SOS1: variants seen among roughly 807,000 people sequenced by gnomAD.
SOS1 encodes SOS Ras/Rac guanine nucleotide exchange factor 1.
Under a neutral mutation model 157.6 loss-of-function variants are expected in SOS1, and 25 were observed. The ratio of observed to expected loss-of-function variants is 0.16; its 90% CI spans 0.12 to 0.22. The LOEUF (loss-of-function observed/expected upper bound fraction) is 0.22, where lower values mean the gene tolerates loss of function less well. Among genes scored for constraint, SOS1 ranks in the 10% least tolerant of loss-of-function variants. The pLI is 1.00. For synonymous variants in SOS1, 528 were observed against 534.0 expected (o/e 0.99, Z 0.16); for missense variants, 1,237 against 1,599.1 (o/e 0.77, Z 3.86).
upstream of SOS1, among the ~76,000 whole-genome samples, chr2:39,122,621 A>G (rs1307604524): frequency 6.6e-6 from 1 of 152,180 alleles, no homozygotes; most frequent in African/African-American, 2.4e-5. Context: ...ATAAAAATAT[A>G]CATACTTGGT....
rs1668427105 is a variant in SOS1, at chr2:38,982,390, C to T, written c.*3434G>A. The T allele has an allele frequency of 6.6e-6, 1 of 151,974 alleles. No homozygotes were observed. The highest frequency in any genetic ancestry group is 2.4e-5 in the African/African-American group (1 of 41,380). 9.4% of individuals were successfully genotyped at this position (151,974 alleles called of 1,614,324 possible). A position where few individuals can be genotyped will look rare whatever the true frequency, so the allele number is the denominator to read the frequency against. On this transcript the variant is annotated 3_prime_UTR_variant, in exon 23 of 23. Coordinates refer to ENST00000402219, the MANE Select transcript of SOS1 (RefSeq NM_005633.4). ...CTTAAAAGTTAGTAATGAGATGTTT[C>T]AAAGAAGAAAAATATTGAATAAAGT...
At position 38,985,969 on chromosome 2, in the gene SOS1, G is replaced by A. The variant is rs374341202; in HGVS notation, c.3857C>T (p.Ser1286Phe). Residue 1286 changes from serine (S) to phenylalanine (F), a missense_variant, in exon 23 of 23, where the codon TCC (serine) becomes TTC (phenylalanine). Transcript: ENST00000402219. ...TGGAGGAACAGGCGGCCCAGCAATG[G>A]AATGAAGGTCCACTTCTTGTGTCAA... is the stretch of plus-strand genomic sequence containing the variant. The part of the protein sequence containing the change: ...PPLTQEVDLH[S>F]IAGPPVPPRQ... 32 of 1,613,858 alleles carry A rather than the reference G, an allele frequency of 2.0e-5. No individual in the cohort carries two copies. The highest frequency in any genetic ancestry group is 5.0e-5 in the Admixed American group (3 of 59,982).
chr2:39,075,776 G>A (rs932399947), intron 1 of SOS1, among the ~76,000 whole-genome samples: 1 of 151,724 alleles, frequency 6.6e-6, no homozygotes, highest in East Asian at 1.9e-4. Flanking sequence ...CAAGAAGGAG[G>A]GGCATAACTA....
chr2:39,020,832 C>T (rs1445254586), intron 10 of SOS1, among the ~76,000 whole-genome samples: 1 of 151,538 alleles, frequency 6.6e-6, no homozygotes, highest in Non-Finnish European at 1.5e-5. Context: ...TCCAGTTTCA[C>T]CAGTAATATA....
At chr2:39,034,738 G>A (rs1052649442) in intron 8 of SOS1, 4 of 452,728 alleles carry the variant, frequency 8.8e-6, no homozygotes, top group African/African-American at 2.0e-5. Context: ...ACAGATAGTT[G>A]CAAACTTGAG....
chr2:39,014,688 A>G, intron 11 of SOS1, 77 bp downstream of exon 11: 1 of 767,296 alleles, frequency 1.3e-6, no homozygotes, highest in East Asian at 2.7e-5. Flanking sequence ...CTCATCTAAC[A>G]TTTCTGAAAA....
intron 15 of SOS1, 63 bp from the exon 16 acceptor site, chr2:39,007,256 A>C (rs1479393106): frequency 9.7e-7 from 1 of 1,033,990 alleles, no homozygotes; most frequent in African/African-American, 1.6e-5. Context: ...TATAGCTTAA[A>C]GAATTTAGTA....
At chr2:39,037,384 C>T (rs756379413) in intron 6 of SOS1, among the ~76,000 whole-genome samples, 28 of 152,162 alleles carry the variant, frequency 1.8e-4, no homozygotes, top group Non-Finnish European at 3.8e-4. Context: ...CTTTTATACT[C>T]AAAAATTTTT....
At chr2:39,056,566 T>C (rs2124606967) in intron 4 of SOS1, 136 bp downstream of exon 4, 2 of 669,170 alleles carry the variant, frequency 3.0e-6, no homozygotes, top group Middle Eastern at 4.1e-4. Flanking sequence ...AAGTGGTATC[T>C]TGAATCCCTA....
chr2:39,114,614 T>A (rs1295746159), intron 1 of SOS1, among the ~76,000 whole-genome samples: 1 of 152,080 alleles, frequency 6.6e-6, no homozygotes, highest in African/African-American at 2.4e-5. Context: ...TTTGTTTTTG[T>A]TTCTTTTTGA....
chr2:39,118,008 A>G (rs1385666454), intron 1 of SOS1, among the ~76,000 whole-genome samples: 1 of 152,220 alleles, frequency 6.6e-6, no homozygotes, highest in East Asian at 1.9e-4. Flanking sequence ...CAAGCACTAT[A>G]AGTATGGGGA....
At chr2:39,024,645 C>T (rs951482817) in intron 8 of SOS1, among the ~76,000 whole-genome samples, 1 of 152,052 alleles carries the variant, frequency 6.6e-6, no homozygotes, top group African/African-American at 2.4e-5. Context: ...GACTCTACTT[C>T]TGTGTGACCT....
intron 17 of SOS1, among the ~76,000 whole-genome samples, chr2:39,001,742 G>C (rs4670904): frequency 0.78 from 119,260 of 152,160 alleles, 50,025 homozygotes; most frequent in Non-Finnish European, 0.92. Context: ...TAACTCCAGA[G>C]ACTGGTAACT....
chr2:38,992,303 T>A (rs1245107648), intron 20 of SOS1: 1 of 152,236 alleles, frequency 6.6e-6, no homozygotes, highest in Non-Finnish European at 1.5e-5. Context: ...ACTGGTTTAT[T>A]TGATTTCAAA....
intron 15 of SOS1, among the ~76,000 whole-genome samples, chr2:39,010,032 T>C (rs887781584): frequency 6.6e-6 from 1 of 152,172 alleles, no homozygotes; most frequent in South Asian, 2.1e-4. Context: ...TAAAATTGCA[T>C]TGGTCAGGAG....
At chr2:39,044,437 T>C (rs1558485369) in intron 6 of SOS1, among the ~76,000 whole-genome samples, 1 of 152,242 alleles carries the variant, frequency 6.6e-6, no homozygotes, top group Non-Finnish European at 1.5e-5. Flanking sequence ...ACGTTATCTT[T>C]CTTCTTTCTT....
At chr2:39,081,584 G>A (rs1672202514) in intron 1 of SOS1, among the ~76,000 whole-genome samples, 1 of 150,954 alleles carries the variant, frequency 6.6e-6, no homozygotes, top group Admixed American at 6.6e-5. Flanking sequence ...CGGCACTTTG[G>A]GAGGCCAAGG....
intron 17 of SOS1, among the ~76,000 whole-genome samples, chr2:38,999,986 A>G (rs1669040006): frequency 1.3e-5 from 2 of 152,176 alleles, no homozygotes; most frequent in African/African-American, 2.4e-5. Flanking sequence ...TAGGCTAACA[A>G]TAGTCCTGGT....
chr2:39,004,555 ATTAGAG>A (rs768046018), intron 17 of SOS1, among the ~76,000 whole-genome samples: 46 of 152,220 alleles, frequency 3.0e-4, no homozygotes, highest in Non-Finnish European at 5.6e-4. Context: ...TCAGTTTGAT[ATTAGAG>A]TTAAATATAA....
Sources: allele counts gnomAD v4.1 joint callset (sites outside exome capture counted in the v4.1 genomes callset), GRCh38; gene constraint gnomAD v4.1.1; transcripts MANE v1.5; gene names NCBI Gene and HGNC (gene_info 2026-07-23, HGNC 2026-07-21).